Variants in MTUS2 observed in about 807,000 individuals in gnomAD.
MTUS2 encodes microtubule-associated tumor suppressor candidate 2.
In MTUS2, 40 loss-of-function variants were observed where a neutral mutation model predicts 114.1. The observed-to-expected ratio is 0.35, with a 90% CI of 0.27 to 0.46. The LOEUF (loss-of-function observed/expected upper bound fraction) is 0.46. Ranked by LOEUF, MTUS2 falls within the 20% of genes least tolerant of loss-of-function variation. The pLI is 1.00. For synonymous variants in MTUS2, 688 were observed against 672.0 expected (o/e 1.02, Z -0.37); for missense variants, 1,679 against 1,705.4 (o/e 0.98, Z 0.27).
In MTUS2 at chr13:29,040,060, C is replaced by T. The variant is rs140565884; in HGVS notation, c.2446+5935C>T. ...AGTGGTGATTTCTGAGGTCTTGGTG[C>T]ACCCATTATTCAAGCAGTGTACACT... On this transcript the variant is annotated intron_variant, in intron 4 of 15. Coordinates refer to ENST00000612955, the MANE Select transcript of MTUS2 (RefSeq NM_001033602.4). 5.9e-5 allele frequency among the ~76,000 whole-genome samples: 9 copies of T among 152,256 alleles called. No homozygotes were observed. The East Asian group carries it at 1.5e-3, about 26-fold the overall frequency.
intron 5 of MTUS2, among the ~76,000 whole-genome samples, chr13:29,209,061 CT>C (rs1194467756): frequency 6.6e-6 from 1 of 151,996 alleles, no homozygotes; most frequent in Non-Finnish European, 1.5e-5. Context: ...CTGTCTGTCT[CT>C]TTTTTAAAGT....
rs941596288 is a variant in MTUS2, at chr13:29,447,658, A to G, written c.3184+7609A>G. On this transcript the variant is annotated intron_variant, in intron 9 of 15. Transcript: ENST00000612955. ...CTGGTCATAAAGTATCTCATCCTCA[A>G]CTCACCCTCCATGGGTGATGGCTCT... Among the ~76,000 whole-genome samples the G allele has an allele frequency of 3.5e-5, 5 of 141,696 alleles. No individual in the cohort carries two copies. The East Asian group carries it at 1.0e-3, about 29-fold the overall frequency. 93.0% of individuals were successfully genotyped at this position (141,696 alleles called of 152,430 possible).
intron 10 of MTUS2, among the ~76,000 whole-genome samples, chr13:29,483,080 A>G (rs1881317555): frequency 6.6e-6 from 1 of 152,102 alleles, no homozygotes; most frequent in Admixed American, 6.5e-5. Flanking sequence ...TGGACTCTCC[A>G]CTCTTGGGGC....
chr13:29,196,433 C>G (rs1894704301), intron 5 of MTUS2, among the ~76,000 whole-genome samples: 1 of 45,426 alleles, frequency 2.2e-5, no homozygotes, highest in African/African-American at 1.4e-4. Context: ...TATTTTTCCT[C>G]AATTTTTTTT....
intron 6 of MTUS2, among the ~76,000 whole-genome samples, chr13:29,314,670 A>T (rs1354556041): frequency 2.6e-5 from 4 of 152,246 alleles, no homozygotes; most frequent in Admixed American, 2.6e-4. Flanking sequence ...AGTGATGAGT[A>T]TGAAAGCGTA....
intron 2 of MTUS2, among the ~76,000 whole-genome samples, chr13:28,897,355 G>T (rs1466823001): frequency 1.7e-3 from 259 of 152,234 alleles, no homozygotes; most frequent in African/African-American, 5.2e-3. Flanking sequence ...TGAGATACCA[G>T]CTCACACCAG....
intron 6 of MTUS2, among the ~76,000 whole-genome samples, chr13:29,310,411 G>A (rs1899700386): frequency 6.6e-6 from 1 of 152,126 alleles, no homozygotes; most frequent in Admixed American, 6.6e-5. Flanking sequence ...CTTTTTAGTG[G>A]CTACTGTCTC....
At chr13:29,304,507 C>T (rs1174012185) in intron 6 of MTUS2, among the ~76,000 whole-genome samples, 1 of 152,092 alleles carries the variant, frequency 6.6e-6, no homozygotes, top group African/African-American at 2.4e-5. Flanking sequence ...TCTGACAAAA[C>T]AGACTATAAA....
At chr13:28,839,194 GAA>G (rs1254442916) in intron 1 of MTUS2, among the ~76,000 whole-genome samples, 1 of 152,108 alleles carries the variant, frequency 6.6e-6, no homozygotes, top group African/African-American at 2.4e-5. Flanking sequence ...ACAATTTAGA[GAA>G]GAGAGTAATT....
At position 29,301,394 on chromosome 13, in the gene MTUS2, G is replaced by T. The variant is rs982401271; in HGVS notation, c.2806+19529G>T. ...GCACTGCTTTGTGCCTACAACCTGG[G>T]AAAAACATGGCAAGTTGTAGACTCT... On this transcript the variant is annotated intron_variant, in intron 6 of 15. Coordinates refer to ENST00000612955, the MANE Select transcript of MTUS2 (RefSeq NM_001033602.4). Among the ~76,000 whole-genome samples the T allele has an allele frequency of 4.6e-5, 7 of 152,306 alleles. No homozygotes were observed. In the South Asian group the frequency reaches 1.0e-3, roughly 23 times the overall value.
intron 6 of MTUS2, among the ~76,000 whole-genome samples, chr13:29,306,612 C>T (rs1028552352): frequency 6.6e-6 from 1 of 152,216 alleles, no homozygotes; most frequent in Non-Finnish European, 1.5e-5. Flanking sequence ...AGGAAAACTA[C>T]ATACCACTGC....
At chr13:29,199,465 C>T (rs542428902) in intron 5 of MTUS2, among the ~76,000 whole-genome samples, 36 of 152,136 alleles carry the variant, frequency 2.4e-4, no homozygotes, top group African/African-American at 3.4e-4. Flanking sequence ...TTTTTGTCAT[C>T]GGCTCTGTTT....
At chr13:29,380,021 G>A (rs1443932291) in intron 8 of MTUS2, among the ~76,000 whole-genome samples, 1 of 152,210 alleles carries the variant, frequency 6.6e-6, no homozygotes, top group African/African-American at 2.4e-5. Context: ...AGGCCCCAGG[G>A]CTGTAACAAT....
chr13:29,498,003 A>T (rs1250918931), intron 13 of MTUS2, among the ~76,000 whole-genome samples: 4 of 152,192 alleles, frequency 2.6e-5, no homozygotes, highest in African/African-American at 9.7e-5. Context: ...CTCATTTCCT[A>T]TGCCTGAGCT....
intron 2 of MTUS2, among the ~76,000 whole-genome samples, chr13:28,936,645 A>G (rs898594871): frequency 7.2e-5 from 11 of 152,112 alleles, no homozygotes; most frequent in African/African-American, 2.4e-4. Context: ...CCTGTCTGGC[A>G]GCGTTGGAGG....
chr13:29,093,229 G>C (rs1046269094), intron 4 of MTUS2, among the ~76,000 whole-genome samples: 5 of 152,148 alleles, frequency 3.3e-5, no homozygotes, highest in African/African-American at 1.2e-4. Flanking sequence ...CAGATCACGA[G>C]GTCAAGAGAT....
intron 5 of MTUS2, among the ~76,000 whole-genome samples, chr13:29,159,477 G>T (rs1311765149): frequency 1.3e-5 from 2 of 151,994 alleles, no homozygotes; most frequent in African/African-American, 2.4e-5. Flanking sequence ...TCAGAAGCAT[G>T]ATCCGGAAAA....
chr13:29,344,023 A>T (rs910479216), intron 7 of MTUS2, among the ~76,000 whole-genome samples: 3 of 152,076 alleles, frequency 2.0e-5, no homozygotes, highest in African/African-American at 7.2e-5. Flanking sequence ...AGAGTACTTG[A>T]TGTAATTTCA....
At chr13:28,905,229 A>G (rs1879916351) in intron 2 of MTUS2, among the ~76,000 whole-genome samples, 1 of 151,468 alleles carries the variant, frequency 6.6e-6, no homozygotes, top group Non-Finnish European at 1.5e-5. Flanking sequence ...CTCTTTTCCT[A>G]ATTGAATGCC....
Sources: allele counts gnomAD v4.1 joint callset (sites outside exome capture counted in the v4.1 genomes callset), GRCh38; gene constraint gnomAD v4.1.1; transcripts MANE v1.5; gene names NCBI Gene and HGNC (gene_info 2026-07-23, HGNC 2026-07-21).